ATP13A5: variants seen among roughly 807,000 people sequenced by gnomAD.
ATP13A5 encodes the protein ATPase 13A5, also known as probable cation-transporting ATPase 13A5.
Under a neutral mutation model 150.2 loss-of-function variants are expected in ATP13A5, and 149 were observed. The ratio of observed to expected loss-of-function variants is 0.99; its 90% CI spans 0.87 to 1.14. The LOEUF is 1.14. Among genes scored for constraint, ATP13A5 ranks in the 50% most tolerant of loss-of-function variants. The probability of loss-of-function intolerance (pLI) is 0.00; values close to 1 mark genes in which losing one functional copy is unlikely to be tolerated. For missense variants in ATP13A5, 1,383 were observed against 1,449.3 expected (o/e 0.95, Z 0.74); for synonymous variants, 497 against 522.2 (o/e 0.95, Z 0.66).
intron 27 of ATP13A5, among the ~76,000 whole-genome samples, chr3:193,280,303 C>T (rs1487921614): frequency 1.3e-5 from 2 of 152,148 alleles, no homozygotes; most frequent in Non-Finnish European, 2.9e-5. Flanking sequence ...CCACCCGCCT[C>T]GGCCTCCCAA....
At chr3:193,305,221 T>C (rs944253591) in intron 23 of ATP13A5, among the ~76,000 whole-genome samples, 13 of 152,178 alleles carry the variant, frequency 8.5e-5, no homozygotes, top group African/African-American at 2.9e-4. Flanking sequence ...TCCTCATCCA[T>C]CCAAAATTCC....
At chr3:193,317,464 A>C (rs1719092621) in intron 17 of ATP13A5, among the ~76,000 whole-genome samples, 1 of 152,210 alleles carries the variant, frequency 6.6e-6, no homozygotes. Flanking sequence ...ACATACAGTT[A>C]AGTTCAATAC....
chr3:193,310,484 A>C (rs1718798979), intron 21 of ATP13A5, among the ~76,000 whole-genome samples, 154 bp downstream of exon 21: 1 of 152,188 alleles, frequency 6.6e-6, no homozygotes, highest in South Asian at 2.1e-4. Flanking sequence ...CACTCCCACC[A>C]ATAGTGTATA....
intron 24 of ATP13A5, among the ~76,000 whole-genome samples, chr3:193,300,092 C>T (rs1453610807): frequency 2.0e-5 from 3 of 152,188 alleles, no homozygotes; most frequent in African/African-American, 4.8e-5. Flanking sequence ...TGAATTTCTG[C>T]TTTCACATGT....
chr3:193,347,730 C>G (rs1712402163), intron 7 of ATP13A5, among the ~76,000 whole-genome samples: 1 of 152,142 alleles, frequency 6.6e-6, no homozygotes, highest in African/African-American at 2.4e-5. Flanking sequence ...TCTGCTCAAG[C>G]TAGTCCCTAG....
intron 17 of ATP13A5, among the ~76,000 whole-genome samples, chr3:193,315,751 G>T (rs1183133635): frequency 6.6e-6 from 1 of 152,122 alleles, no homozygotes; most frequent in Non-Finnish European, 1.5e-5. Flanking sequence ...GTGCACCGTG[G>T]TGTTAAGATT....
chr3:193,280,527 A>C (rs1211572407), intron 27 of ATP13A5, among the ~76,000 whole-genome samples: 1 of 152,162 alleles, frequency 6.6e-6, no homozygotes, highest in Non-Finnish European at 1.5e-5. Flanking sequence ...TGGAACTCTG[A>C]CTTGAAAAAG....
At chr3:193,295,268 C>T (rs907375405) in intron 25 of ATP13A5, among the ~76,000 whole-genome samples, 1 of 152,032 alleles carries the variant, frequency 6.6e-6, no homozygotes, top group Non-Finnish European at 1.5e-5. Flanking sequence ...TTCTCTTGCT[C>T]ATGCTGCTTC....
chr3:193,310,059 T>G (rs749763035), intron 21 of ATP13A5, among the ~76,000 whole-genome samples: 1 of 152,168 alleles, frequency 6.6e-6, no homozygotes, highest in Non-Finnish European at 1.5e-5. Context: ...ATCTGTGTTT[T>G]TCTTCTTTGT....
chr3:193,329,881 A>G (rs917173549), intron 12 of ATP13A5, among the ~76,000 whole-genome samples: 3 of 151,962 alleles, frequency 2.0e-5, no homozygotes, highest in African/African-American at 7.3e-5. Flanking sequence ...CTTCCATCCC[A>G]TCTCCCCAGT....
In ATP13A5 at chr3:193,294,736, AAGCC is replaced by A. The variant is rs1560118083; in HGVS notation, c.2848+4391_2848+4394del. On this transcript the variant is annotated intron_variant, in intron 25 of 29. Transcript: ENST00000342358. ...ATTTACAATGGGGTTACATTCTGAT[AAGCC>A]CATTGTAAATTGAAAACATTTTTCA... Among the ~76,000 whole-genome samples, 7 of 152,240 alleles carry A rather than the reference AAGCC, an allele frequency of 4.6e-5. No individual in the cohort carries two copies. In the South Asian group the frequency reaches 1.0e-3, roughly 23 times the overall value.
intron 9 of ATP13A5, among the ~76,000 whole-genome samples, chr3:193,335,941 CA>C (rs919140494): frequency 2.6e-5 from 4 of 151,922 alleles, no homozygotes; most frequent in East Asian, 1.9e-4. Context: ...GCTCAGAGTT[CA>C]AAAAGGATAC....
rs572559906 is a variant in ATP13A5 at position 193,299,152 on chromosome 3, T to C, written c.2827A>G (p.Thr943Ala). The change falls in exon 25 of 30, where the codon ACT (threonine) becomes GCT (alanine). Residue 943 changes from threonine to alanine, a missense_variant. Coordinates refer to ENST00000342358, the MANE Select transcript of ATP13A5 (RefSeq NM_198505.4). Reference protein sequence around the residue: ...YQYLMQDVAITLMVCLTMSST... With the variant: ...YQYLMQDVAIALMVCLTMSST... ...TTACTTGTTAAACAGACCATCAAAG[T>C]AATGGCTACATCTTGCATGAGATAC... 6.2e-7 allele frequency: 1 copy of C among 1,609,388 alleles called. No individual in the cohort carries two copies. The highest frequency in any genetic ancestry group is 1.1e-5 in the South Asian group (1 of 89,926).
At chr3:193,364,397 T>A in intron 1 of ATP13A5, 117 bp from the exon 2 acceptor site, 1 of 1,264,240 alleles carries the variant, frequency 7.9e-7, no homozygotes, top group Non-Finnish European at 1.1e-6. Flanking sequence ...CAAATCTGGT[T>A]ATAGGTGGTT....
intron 6 of ATP13A5, among the ~76,000 whole-genome samples, chr3:193,352,493 G>A (rs75904924): frequency 2.6e-5 from 1 of 38,256 alleles, no homozygotes; most frequent in African/African-American, 1.3e-4. Flanking sequence ...GTTGTACTTG[G>A]TTTTTTTTTT....
intron 27 of ATP13A5, among the ~76,000 whole-genome samples, chr3:193,280,257 A>G (rs1386355569): frequency 1.3e-5 from 2 of 151,920 alleles, no homozygotes; most frequent in Non-Finnish European, 2.9e-5. Flanking sequence ...GTTTCACCAT[A>G]TTGGCCAGGC....
intron 7 of ATP13A5, among the ~76,000 whole-genome samples, chr3:193,348,455 C>T (rs1053886775): frequency 2.0e-5 from 3 of 152,022 alleles, no homozygotes; most frequent in Non-Finnish European, 2.9e-5. Context: ...AGCAGCCACC[C>T]GTGGAGCTCA....
intron 7 of ATP13A5, among the ~76,000 whole-genome samples, chr3:193,347,527 T>C (rs1712392797): frequency 6.7e-6 from 1 of 148,666 alleles, no homozygotes; most frequent in Non-Finnish European, 1.5e-5. Flanking sequence ...TAGATTTCTT[T>C]TTTTTTTGCT....
chr3:193,313,879 G>T, intron 19 of ATP13A5, 154 bp downstream of exon 19: 2 of 857,054 alleles, frequency 2.3e-6, no homozygotes, highest in Non-Finnish European at 1.7e-6. Context: ...TAGGCAACCA[G>T]AGCTGGCAGA....
Sources: allele counts gnomAD v4.1 joint callset (sites outside exome capture counted in the v4.1 genomes callset), GRCh38; gene constraint gnomAD v4.1.1; transcripts MANE v1.5; gene names NCBI Gene and HGNC (gene_info 2026-07-23, HGNC 2026-07-21).